Variants in EDAR observed in about 807,000 individuals in gnomAD.
The protein encoded by EDAR is ectodysplasin A receptor, also known as tumor necrosis factor receptor superfamily member EDAR.
Under a neutral mutation model 51.3 loss-of-function variants are expected in EDAR, and 38 were observed. The observed-to-expected ratio is 0.74, with a 90% confidence interval of 0.57 to 0.97. The LOEUF is 0.97. Ranked by LOEUF, EDAR falls within the 50% of genes least tolerant of loss-of-function variation. EDAR has a pLI of 0.00. For missense variants in EDAR, 528 were observed against 595.0 expected, an observed-to-expected ratio of 0.89 and a Z score of 1.17; for synonymous variants, 227 against 242.1, an observed-to-expected ratio of 0.94 and a Z score of 0.58.
chr2:108,987,096 A>G (rs1279670752), intron 1 of EDAR, among the ~76,000 whole-genome samples: 1 of 152,226 alleles, frequency 6.6e-6, no homozygotes, highest in East Asian at 1.9e-4. Flanking sequence ...TGAGCCACTT[A>G]AGCAGCAAGG....
At chr2:108,952,128 T>G (rs1697838352) in intron 1 of EDAR, among the ~76,000 whole-genome samples, 1 of 152,214 alleles carries the variant, frequency 6.6e-6, no homozygotes, top group Non-Finnish European at 1.5e-5. Context: ...TTGAAGAAGG[T>G]TAAAATGGTG....
Position 108,929,389 on chromosome 2 carries a change from G to A in EDAR, c.175-10C>T, listed in dbSNP as rs750215842. ...TGCCGTAGCCACAGGACTGTCCAGGGAAAGAGGACAGGGGACACAGGTGAG... is the reference window on the plus strand; with the variant it reads ...TGCCGTAGCCACAGGACTGTCCAGGAAAAGAGGACAGGGGACACAGGTGAG... On this transcript the variant is annotated splice_polypyrimidine_tract_variant and intron_variant, in intron 3 of 11. Transcript: ENST00000258443. 8 of 1,613,912 alleles carry A rather than the reference G, an allele frequency of 5.0e-6. No individual in the cohort carries two copies. In the South Asian group the frequency reaches 6.6e-5, roughly 13 times the overall value.
At chr2:108,941,303 C>G (rs1162621845) in intron 1 of EDAR, among the ~76,000 whole-genome samples, 3 of 152,174 alleles carry the variant, frequency 2.0e-5, no homozygotes, top group Non-Finnish European at 4.4e-5. Context: ...CTGGGCAGTC[C>G]TGACCTTGCT....
At chr2:108,985,016 G>A (rs1698474299) in intron 1 of EDAR, among the ~76,000 whole-genome samples, 1 of 152,148 alleles carries the variant, frequency 6.6e-6, no homozygotes, top group African/African-American at 2.4e-5. Flanking sequence ...AACAGTGCAT[G>A]CCCTCTCATT....
chr2:108,899,051 G>A (rs1268521795), intron 11 of EDAR, among the ~76,000 whole-genome samples: 2 of 152,206 alleles, frequency 1.3e-5, no homozygotes, highest in African/African-American at 2.4e-5. Flanking sequence ...GTAAAGAGAC[G>A]TAAGTCTACA....
intron 11 of EDAR, among the ~76,000 whole-genome samples, chr2:108,900,374 G>A (rs1029026707): frequency 2.6e-5 from 4 of 152,094 alleles, no homozygotes; most frequent in African/African-American, 9.7e-5. Context: ...TGGTCAACAC[G>A]GTGAAACCCT....
At chr2:108,905,992 G>T (rs1696795159) in intron 11 of EDAR, among the ~76,000 whole-genome samples, 1 of 146,012 alleles carries the variant, frequency 6.8e-6, no homozygotes, top group South Asian at 2.1e-4. Flanking sequence ...GGTCTCTGGG[G>T]ACACGGGAGG....
At chr2:108,897,450 T>C (rs1040868180) in intron 11 of EDAR, among the ~76,000 whole-genome samples, 1 of 152,038 alleles carries the variant, frequency 6.6e-6, no homozygotes, top group African/African-American at 2.4e-5. Flanking sequence ...CTGACCCCGG[T>C]AATAGCCCCT....
intron 1 of EDAR, among the ~76,000 whole-genome samples, chr2:108,937,513 A>G (rs1450188966): frequency 6.6e-6 from 1 of 151,954 alleles, no homozygotes; most frequent in Non-Finnish European, 1.5e-5. Flanking sequence ...GAATGTATGC[A>G]TGTGTAAGTG....
At chr2:108,928,679 G>A (rs552326379) in intron 4 of EDAR, among the ~76,000 whole-genome samples, 1 of 152,314 alleles carries the variant, frequency 6.6e-6, no homozygotes, top group South Asian at 2.1e-4. Flanking sequence ...TTGCTGAGGT[G>A]TCATGCCTGG....
Position 108,988,124 on chromosome 2 carries a change from G to C in EDAR, c.-19+836C>G, listed in dbSNP as rs148329115. Among the ~76,000 whole-genome samples the C allele has an allele frequency of 7.2e-3, 1,089 of 152,288 alleles. 9 individuals are homozygous for C. Among genetic ancestry groups the C allele is most frequent in the South Asian group, 0.028 (135 of 4,822 alleles). On this transcript the variant is annotated intron_variant, in intron 1 of 11. Coordinates refer to ENST00000258443, the MANE Select transcript of EDAR (RefSeq NM_022336.4). The stretch of plus-strand genomic sequence containing the variant: ...CGTGTACCCCTGGCTGTGTGGGATT[G>C]CCCACTGACCGGCATCTGCCCTGCT...
intron 2 of EDAR, 141 bp downstream of exon 2, chr2:108,930,823 G>T: frequency 1.1e-6 from 1 of 928,048 alleles, no homozygotes; most frequent in Non-Finnish European, 1.8e-6. Flanking sequence ...TTGCAGGCCT[G>T]GTTTCATTTC....
chr2:108,929,158 A>G, intron 4 of EDAR, 40 bp downstream of exon 4: 2 of 1,612,684 alleles, frequency 1.2e-6, no homozygotes, highest in South Asian at 1.1e-5. Context: ...GGTTTTCTGC[A>G]GAAAGCATGC....
At chr2:108,919,143 A>C (rs1468917964) in intron 5 of EDAR, among the ~76,000 whole-genome samples, 1 of 152,126 alleles carries the variant, frequency 6.6e-6, no homozygotes, top group Admixed American at 6.5e-5. Flanking sequence ...GGAGGCTGGG[A>C]GGCCCGCTTC....
chr2:108,963,591 A>G (rs140628053), intron 1 of EDAR, among the ~76,000 whole-genome samples: 1 of 152,200 alleles, frequency 6.6e-6, no homozygotes, highest in Non-Finnish European at 1.5e-5. Context: ...CAATATAGTC[A>G]AGACAGAAGA....
intron 1 of EDAR, among the ~76,000 whole-genome samples, chr2:108,939,909 G>A (rs6542787): frequency 0.69 from 105,441 of 152,100 alleles, 39,103 homozygotes; most frequent in Non-Finnish European, 0.83. Context: ...GCACCTTAAA[G>A]TATTTGTGGT....
chr2:108,919,744 G>C (rs547239244), intron 5 of EDAR, among the ~76,000 whole-genome samples: 1 of 152,344 alleles, frequency 6.6e-6, no homozygotes, highest in South Asian at 2.1e-4. Flanking sequence ...AGCCGGGCCA[G>C]AGCCGGCAGT....
intron 1 of EDAR, among the ~76,000 whole-genome samples, chr2:108,944,732 T>C (rs1368040775): frequency 6.6e-6 from 1 of 152,110 alleles, no homozygotes; most frequent in Non-Finnish European, 1.5e-5. Context: ...ACCCCCACCG[T>C]GCAGAGGAGG....
intron 8 of EDAR, 73 bp from the exon 9 acceptor site, chr2:108,910,605 G>C: frequency 7.0e-7 from 1 of 1,436,594 alleles, no homozygotes; most frequent in Non-Finnish European, 9.8e-7. Flanking sequence ...GCCCAACCCT[G>C]CTCTTCCTGT....
Sources: allele counts gnomAD v4.1 joint callset (sites outside exome capture counted in the v4.1 genomes callset), GRCh38; gene constraint gnomAD v4.1.1; transcripts MANE v1.5; gene names NCBI Gene and HGNC (gene_info 2026-07-23, HGNC 2026-07-21).